Variants in DMD observed in about 807,000 individuals in gnomAD.
DMD encodes the protein dystrophin, also known as mutant dystrophin.
A neutral mutation model predicts 330.1 loss-of-function variants in DMD; 63 were observed. That is an observed-to-expected ratio of 0.19 (90% confidence interval 0.16 to 0.24). The LOEUF is 0.24. Among genes scored for constraint, DMD ranks in the 10% least tolerant of loss-of-function variants. DMD has a pLI of 1.00. For missense variants in DMD, 3,344 were observed against 2,684.1 expected, an observed-to-expected ratio of 1.25 and a Z score of -5.43; for synonymous variants, 1,223 against 959.8, an observed-to-expected ratio of 1.27 and a Z score of -5.07.
intron 62 of DMD, among the ~76,000 whole-genome samples, chrX:31,264,434 A>G (rs2050835040): frequency 8.9e-6 from 1 of 112,383 alleles, no homozygotes; most frequent in African/African-American, 3.2e-5. Flanking sequence ...TCTGAGAACA[A>G]CAATGTTCAA....
intron 16 of DMD, among the ~76,000 whole-genome samples, chrX:32,549,051 T>C (rs1273081966): frequency 8.9e-6 from 1 of 112,049 alleles, no homozygotes; most frequent in Non-Finnish European, 1.9e-5. Context: ...AATACATTTC[T>C]TTTTAAAATA....
chrX:33,042,575 A>C (rs1363608558), intron 1 of DMD, among the ~76,000 whole-genome samples: 1 of 112,462 alleles, frequency 8.9e-6, no homozygotes, highest in Non-Finnish European at 1.9e-5. Context: ...ATTGAAAGCT[A>C]AAAAAGTAAA....
chrX:32,465,501 G>A (rs999511389), intron 23 of DMD, among the ~76,000 whole-genome samples: 4 of 105,913 alleles, frequency 3.8e-5, no homozygotes, highest in Non-Finnish European at 5.8e-5. Context: ...TCACCTTGCT[G>A]TTATCTTTCA....
intron 2 of DMD, among the ~76,000 whole-genome samples, chrX:32,929,744 G>C (rs1032087914): frequency 9.1e-6 from 1 of 110,305 alleles, no homozygotes; most frequent in Admixed American, 9.8e-5. Context: ...CCAGGTGTGT[G>C]ATGTTCCCTT....
chrX:32,025,841 T>G (rs2095842224), intron 44 of DMD, among the ~76,000 whole-genome samples: 1 of 111,818 alleles, frequency 8.9e-6, no homozygotes. Context: ...GTAACAGGGA[T>G]AATGACAGTT....
intron 50 of DMD, among the ~76,000 whole-genome samples, chrX:31,784,145 C>T (rs948744257): frequency 4.5e-5 from 5 of 111,905 alleles, no homozygotes; most frequent in African/African-American, 1.6e-4. Flanking sequence ...AAGGAATTCA[C>T]CAAAAACAAT....
intron 27 of DMD, among the ~76,000 whole-genome samples, chrX:32,443,349 T>C (rs928174094): frequency 1.5e-4 from 17 of 111,018 alleles, no homozygotes; most frequent in South Asian, 1.5e-3. Flanking sequence ...ACCTGCTTGA[T>C]ATCTTATGTA....
intron 67 of DMD, among the ~76,000 whole-genome samples, chrX:31,186,124 T>G (rs1192338857): frequency 8.9e-6 from 1 of 111,875 alleles, no homozygotes; most frequent in African/African-American, 3.3e-5. Flanking sequence ...CTCCAGTCAT[T>G]ACCCCTAATT....
chrX:32,368,883 C>T (rs952472087), intron 34 of DMD, among the ~76,000 whole-genome samples: 3 of 111,333 alleles, frequency 2.7e-5, no homozygotes, highest in Admixed American at 9.6e-5. Context: ...AACTCAGACA[C>T]TTTAGGTTTT....
intron 60 of DMD, among the ~76,000 whole-genome samples, chrX:31,403,904 G>A (rs1302917984): frequency 1.8e-5 from 2 of 111,593 alleles, no homozygotes; most frequent in Non-Finnish European, 3.8e-5. Context: ...TTTAGGGAGT[G>A]GGGACTAGTT....
At chrX:31,740,461 T>A (rs1471071995) in intron 51 of DMD, among the ~76,000 whole-genome samples, 1 of 112,079 alleles carries the variant, frequency 8.9e-6, no homozygotes, top group South Asian at 3.7e-4. Flanking sequence ...TATATAGGAC[T>A]GCCTTGGAAT....
intron 7 of DMD, among the ~76,000 whole-genome samples, chrX:32,772,372 A>C (rs771578707): frequency 5.5e-4 from 62 of 112,714 alleles, no homozygotes; most frequent in African/African-American, 1.8e-3. Context: ...ACAAGGGGGA[A>C]CAGCAATTGA....
chrX:31,520,234 T>C (rs867658603), intron 55 of DMD, among the ~76,000 whole-genome samples: 2 of 111,878 alleles, frequency 1.8e-5, no homozygotes, highest in Non-Finnish European at 3.8e-5. Flanking sequence ...CATCTAGAAC[T>C]GTAATCCGGG....
chrX:31,655,620 G>C (rs777702039), intron 54 of DMD, among the ~76,000 whole-genome samples: 2 of 110,927 alleles, frequency 1.8e-5, no homozygotes, highest in African/African-American at 3.3e-5. Flanking sequence ...AGGTGATTAG[G>C]ACATGAAGGC....
chrX:31,482,232 T>G (rs1362953356), intron 57 of DMD, among the ~76,000 whole-genome samples: 67 of 78,267 alleles, frequency 8.6e-4, no homozygotes, highest in African/African-American at 4.6e-3. Context: ...TGTGTGTGTG[T>G]GTGTGGGGGG....
chrX:32,412,858 A>T (rs1363984292), intron 29 of DMD, among the ~76,000 whole-genome samples: 1 of 111,160 alleles, frequency 9.0e-6, no homozygotes, highest in East Asian at 2.8e-4. Context: ...TATATATAGA[A>T]TATTAGATAT....
At chrX:31,449,352 G>A (rs2065519014) in intron 59 of DMD, among the ~76,000 whole-genome samples, 1 of 111,048 alleles carries the variant, frequency 9.0e-6, no homozygotes, top group African/African-American at 3.3e-5. Context: ...ACAGTGTTGA[G>A]GGCCCACTTG....
At chrX:31,135,426 TTG>T (rs1347975226) in intron 76 of DMD, among the ~76,000 whole-genome samples, 1 of 112,603 alleles carries the variant, frequency 8.9e-6, no homozygotes, top group Non-Finnish European at 1.9e-5. Context: ...ATGGCATATA[TTG>T]GAGAGTTATG....
intron 28 of DMD, among the ~76,000 whole-genome samples, chrX:32,440,135 C>T (rs1216117300): frequency 9.0e-6 from 1 of 111,337 alleles, no homozygotes; most frequent in Non-Finnish European, 1.9e-5. Flanking sequence ...TCTGTTCTGG[C>T]CACTGTCCTT....
Sources: allele counts gnomAD v4.1 joint callset (sites outside exome capture counted in the v4.1 genomes callset), GRCh38; gene constraint gnomAD v4.1.1; transcripts MANE v1.5; gene names NCBI Gene and HGNC (gene_info 2026-07-23, HGNC 2026-07-21).